Variants in ADCK5 observed in about 807,000 individuals in gnomAD.
ADCK5 encodes the protein uncharacterized aarF domain-containing protein kinase 5.
ADCK5 carries 43 observed loss-of-function variants against 64.9 expected under a neutral mutation model. The ratio of observed to expected loss-of-function variants is 0.66; its 90% CI spans 0.52 to 0.85. ADCK5 has a LOEUF of 0.85. Ranked by LOEUF, ADCK5 falls within the 40% of genes least tolerant of loss-of-function variation. The pLI, the probability that ADCK5 is intolerant of heterozygous loss-of-function variation, is 0.00. For missense variants in ADCK5, 760 were observed against 810.5 expected, an observed-to-expected ratio of 0.94 and a Z score of 0.76; for synonymous variants, 434 against 342.8, an observed-to-expected ratio of 1.27 and a Z score of -2.94.
intron 2 of ADCK5, among the ~76,000 whole-genome samples, chr8:144,381,150 G>A (rs1184533371): frequency 1.3e-5 from 1 of 79,026 alleles, no homozygotes; most frequent in Admixed American, 1.3e-4. Context: ...AAGGATTATG[G>A]GCCGGGTGTA....
At chr8:144,388,176 G>A (rs1176820779) in intron 3 of ADCK5, among the ~76,000 whole-genome samples, 1 of 151,398 alleles carries the variant, frequency 6.6e-6, no homozygotes, top group Non-Finnish European at 1.5e-5. Context: ...TGACCAACGT[G>A]GAGAAACCCC....
intron 3 of ADCK5, among the ~76,000 whole-genome samples, chr8:144,385,370 G>A (rs1390453894): frequency 3.3e-5 from 5 of 151,618 alleles, no homozygotes; most frequent in African/African-American, 1.2e-4. Context: ...TTTTAGTAGA[G>A]ACAGGGTTTC....
chr8:144,379,413 T>TCTGCTGC lies in ADCK5; in HGVS notation c.40_46dup (p.His16ProfsTer119). 6.2e-7 allele frequency: 1 copy of TCTGCTGC among 1,610,012 alleles called. No individual in the cohort carries two copies. Among genetic ancestry groups the TCTGCTGC allele is most frequent in the Non-Finnish European group, 8.5e-7 (1 of 1,177,748 alleles). On this transcript the variant is annotated frameshift_variant, in exon 2 of 15. Transcript: ENST00000308860. LOFTEE classifies it high-confidence loss of function. ...TGCAGCTCTGTCATTTCCACTCTGCTCTGCTGCACAGCAGGCAGAAGCCCT... is the reference window on the plus strand; with the variant it reads ...TGCAGCTCTGTCATTTCCACTCTGCTCTGCTGCCTGCTGCACAGCAGGCAGAAGCCCT...
intron 1 of ADCK5, 29 bp from the exon 2 acceptor site, chr8:144,379,358 C>A (rs782362808): frequency 2.6e-6 from 4 of 1,555,294 alleles, no homozygotes; most frequent in Non-Finnish European, 2.6e-6. Flanking sequence ...TGGCCTCGTT[C>A]GACCCCACAC....
rs1820335757 is a variant in ADCK5, at chr8:144,392,523, G to T, written c.1346G>T (p.Arg449Leu). The change falls in exon 13 of 15, where the codon CGC becomes CTC. Residue 449 changes from arginine (R) to leucine (L), a missense_variant. Physicochemically the swap from Arg to Leu is moderately radical, Grantham distance 102 (BLOSUM62 -2). Transcript: ENST00000308860. Reference sequence around the variant, plus strand: ...CTGTGGGGCTCGCACCTACTGAGCCGCGAAGAGGCGGCCTACATGGTGGAC... The same window carrying T: ...CTGTGGGGCTCGCACCTACTGAGCCTCGAAGAGGCGGCCTACATGGTGGAC... ...GQLWGSHLLS[R>L]EEAAYMVDMA... 1 of 1,549,180 alleles carries T rather than the reference G, an allele frequency of 6.5e-7. No individual in the cohort carries two copies. Among genetic ancestry groups the T allele is most frequent in the Non-Finnish European group, 8.7e-7 (1 of 1,153,634 alleles).
At chr8:144,379,605 A>G (rs532396240) in intron 2 of ADCK5, 115 bp downstream of exon 2, 2 of 845,344 alleles carry the variant, frequency 2.4e-6, no homozygotes, top group East Asian at 2.9e-5. Flanking sequence ...TGTACCCACA[A>G]CCAAGGCAGG....
chr8:144,375,658 T>C, intron 1 of ADCK5: 1 of 985,372 alleles, frequency 1.0e-6, no homozygotes, highest in Non-Finnish European at 1.2e-6. Context: ...CCACTCAGAA[T>C]ACTTGCCGCT....
chr8:144,385,680 G>A (rs1467707294), intron 3 of ADCK5, among the ~76,000 whole-genome samples: 2 of 150,842 alleles, frequency 1.3e-5, no homozygotes, highest in African/African-American at 4.9e-5. Context: ...TCACCTATAT[G>A]TGGCCGGGCA....
Position 144,391,157 on chromosome 8 carries a change from C to T in ADCK5, c.567C>T (p.Asp189=). 1.2e-6 allele frequency: 2 copies of T among 1,611,472 alleles called. No homozygotes were observed. Among genetic ancestry groups the T allele is most frequent in the Non-Finnish European group, 1.7e-6 (2 of 1,179,980 alleles). Residue 189 remains aspartate (D), a synonymous_variant, in exon 6 of 15, where the codon GAC becomes GAT. Transcript: ENST00000308860. ...AGGTGGATGAGTTGTTCCTTGAGGACTTCCAGGCCCTCCCCCACGAGCTCT... is the reference window on the plus strand; with the variant it reads ...AGGTGGATGAGTTGTTCCTTGAGGATTTCCAGGCCCTCCCCCACGAGCTCT... The part of the protein sequence containing the change: ...FQEVDELFLE[D]FQALPHELFQ...
chr8:144,380,324 C>G (rs78371337), intron 2 of ADCK5, among the ~76,000 whole-genome samples: 1 of 139,232 alleles, frequency 7.2e-6, no homozygotes, highest in African/African-American at 2.7e-5. Flanking sequence ...AGGCACCTCC[C>G]GCAGTCAGAA....
chr8:144,388,241 C>G (rs1325062333), intron 3 of ADCK5, among the ~76,000 whole-genome samples: 2 of 150,798 alleles, frequency 1.3e-5, no homozygotes, highest in Admixed American at 6.6e-5. Context: ...CCTGTAGTCC[C>G]AGCTCCTCGG....
At chr8:144,379,599 C>A (rs1819512336) in intron 2 of ADCK5, 109 bp downstream of exon 2, 1 of 890,694 alleles carries the variant, frequency 1.1e-6, no homozygotes, top group Non-Finnish European at 1.6e-6. Context: ...TTCTCCTGTA[C>A]CCACAACCAA....
Position 144,392,357 on chromosome 8 carries a change from C to CAAGGTGAGGGCGTG in ADCK5, c.1267+12_1267+13insAAGGTGAGGGCGTG. ...ACTGGGGGTGCAAGGTGAGGGCGTG[C>CAAGGTGAGGGCGTG]GGGGATGGCTGGGGCACCACAGAAG... is the stretch of plus-strand genomic sequence containing the variant. On this transcript the variant is annotated intron_variant, in intron 12 of 14. Transcript: ENST00000308860. The CAAGGTGAGGGCGTG allele has an allele frequency of 6.7e-7, 1 of 1,488,934 alleles. No homozygotes were observed. The highest frequency in any genetic ancestry group is 8.9e-7 in the Non-Finnish European group (1 of 1,120,774). 92.2% of individuals were successfully genotyped at this position (1,488,934 alleles called of 1,614,324 possible).
chr8:144,392,943 T>C (rs1820391209), intron 14 of ADCK5, 26 bp from the exon 15 acceptor site: 1 of 1,582,566 alleles, frequency 6.3e-7, no homozygotes. Flanking sequence ...CCCACCCACC[T>C]GTGACCTGTG....
chr8:144,376,248 G>A lies in ADCK5; in HGVS notation c.12+2141G>A, dbSNP rs955182081. The stretch of plus-strand genomic sequence containing the variant: ...TGCTTCACAGCTGTTGGTCTCATTC[G>A]GCAGGCATTCATTGAGTGCCTGCTT... On this transcript the variant is annotated intron_variant, in intron 1 of 14. Transcript: ENST00000308860. This position sits in a 1 kb window ranked among gnomAD's most constrained non-coding sequence, Gnocchi z 5.1. Among the ~76,000 whole-genome samples the A allele has an allele frequency of 2.6e-5, 4 of 152,276 alleles. No individual in the cohort carries two copies. In the East Asian group the frequency reaches 5.8e-4, roughly 22 times the overall value.
chr8:144,389,174 C>G (rs1409441943), intron 3 of ADCK5: 1 of 438,506 alleles, frequency 2.3e-6, no homozygotes, highest in Non-Finnish European at 4.6e-6. Flanking sequence ...ATCCTCTTGC[C>G]TAAATCTCCC....
At position 144,374,080 on chromosome 8, in the gene ADCK5, G is replaced by C. The variant is rs1278131117; in HGVS notation, c.-16G>C. On this transcript the variant is annotated 5_prime_UTR_variant, in exon 1 of 15. Coordinates refer to ENST00000308860, the MANE Select transcript of ADCK5 (RefSeq NM_174922.5). ...AAGCGGCGCCGGGCGGGAGAAGAGC[G>C]GAGCAGTGGTCGGAGATGTGGCGAC... is the stretch of plus-strand genomic sequence containing the variant. The C allele has an allele frequency of 1.6e-6, 2 of 1,247,510 alleles. No individual in the cohort carries two copies. Among genetic ancestry groups the C allele is most frequent in the Non-Finnish European group, 2.0e-6 (2 of 988,628 alleles). The allele number at this position is 1,247,510 out of a possible 1,614,324, so 77.3% of individuals were successfully genotyped here.
At chr8:144,390,827 C>A (rs1554860255) in intron 4 of ADCK5, 29 bp from the exon 5 acceptor site, 4 of 1,608,988 alleles carry the variant, frequency 2.5e-6, no homozygotes, top group Non-Finnish European at 3.4e-6. Context: ...CCACCTGTCC[C>A]CATGTGTTCT....
In ADCK5 at chr8:144,393,009, C is replaced by T. The variant is rs1820400560; in HGVS notation, c.1678C>T (p.Arg560Cys). 1 of 1,590,756 alleles carries T rather than the reference C, an allele frequency of 6.3e-7. No homozygotes were observed. Among genetic ancestry groups the T allele is most frequent in the East Asian group, 2.3e-5 (1 of 43,962 alleles). ...LAMRLTALLARALVHLSLVPP... is the reference protein window; with the variant it reads ...LAMRLTALLACALVHLSLVPP... ...CATGCGGCTGACCGCCCTCCTGGCT[C>T]GTGCTCTGGTCCACCTGAGCCTCGT... The change falls in exon 15 of 15, where the codon CGT (arginine) becomes TGT (cysteine). Residue 560 changes from arginine to cysteine, a missense_variant. Arg to Cys is a radical substitution (Grantham distance 180, BLOSUM62 -3). Transcript: ENST00000308860.
Sources: gnomAD v4.1 joint callset for allele counts (sites outside exome capture counted in the v4.1 genomes callset) on GRCh38, gnomAD v4.1.1 for gene constraint, Gnocchi (gnomAD v3.1) non-coding constraint, MANE v1.5 for transcripts, NCBI Gene and HGNC (gene_info 2026-07-23, HGNC 2026-07-21) for gene names.